TFB1M: variants seen among roughly 807,000 people sequenced by gnomAD.
TFB1M encodes transcription factor B1, mitochondrial.
TFB1M carries 27 observed loss-of-function variants against 31.1 expected under a neutral mutation model. That is an observed-to-expected ratio of 0.87 (90% CI 0.64 to 1.20). The LOEUF (loss-of-function observed/expected upper bound fraction) is 1.20. TFB1M is among the 50% of genes most tolerant of loss of function. TFB1M has a pLI of 0.00. For missense variants in TFB1M, 394 were observed against 418.7 expected (o/e 0.94, Z 0.51); for synonymous variants, 166 against 151.8 (o/e 1.09, Z -0.69).
At chr6:155,230,775 ATATT>A in the TFB1M span, among the ~76,000 whole-genome samples, 1 of 98,212 alleles carries the variant, frequency 1.0e-5, no homozygotes, top group Non-Finnish European at 2.0e-5. Context: ...CTATGCATAC[ATATT>A]TATATAAGTA....
chr6:155,300,198 C>A (rs548938258), intron 2 of TFB1M, among the ~76,000 whole-genome samples: 1 of 152,110 alleles, frequency 6.6e-6, no homozygotes, highest in South Asian at 2.1e-4. Context: ...AAATAATCTT[C>A]CAGAAATAAA....
chr6:155,272,567 C>A (rs1424401452), intron 5 of TFB1M, among the ~76,000 whole-genome samples: 2 of 151,772 alleles, frequency 1.3e-5, no homozygotes, highest in African/African-American at 4.8e-5. Flanking sequence ...TTATTCTCTA[C>A]GAGATAGAAA....
chr6:155,298,663 T>A (rs1583369478), intron 2 of TFB1M, 78 bp from the exon 3 acceptor site: 2 of 991,734 alleles, frequency 2.0e-6, no homozygotes, highest in East Asian at 4.8e-5. Flanking sequence ...AACCTGTGCA[T>A]TTAAAAAATC....
At chr6:155,244,864 A>C in the TFB1M span, 1 of 1,458,032 alleles carries the variant, frequency 6.9e-7, no homozygotes, top group East Asian at 2.4e-5. Context: ...TCTCATGAGA[A>C]AGAATTTCTT....
rs149655729 is a variant in TFB1M, at chr6:155,274,158, C to T, written c.666+11000G>A. On this transcript the variant is annotated intron_variant, in intron 5 of 6. Coordinates refer to ENST00000367166, the MANE Select transcript of TFB1M (RefSeq NM_016020.4). Reference sequence around the variant, plus strand: ...GGCCCAAGTGTCTTTGACTCAAGAGCCTGTATCACCTTTTGTAAAATACAT... The same window carrying T: ...GGCCCAAGTGTCTTTGACTCAAGAGTCTGTATCACCTTTTGTAAAATACAT... Among the ~76,000 whole-genome samples, 1,182 of 152,306 alleles carry T rather than the reference C, an allele frequency of 7.8e-3. 7 individuals are homozygous for T. Among genetic ancestry groups the T allele is most frequent in the Middle Eastern group, 0.017 (5 of 294 alleles).
Position 155,257,633 on chromosome 6 carries a change from AG to A in TFB1M, c.*202del. On this transcript the variant is annotated 3_prime_UTR_variant, in exon 7 of 7. Coordinates refer to ENST00000367166, the MANE Select transcript of TFB1M (RefSeq NM_016020.4). Reference sequence around the variant, plus strand: ...CTAAACATGTCATAACTATCTATACAGTATATATTAAAAGAAAGCTTGTACT... The same window carrying A: ...CTAAACATGTCATAACTATCTATACATATATATTAAAAGAAAGCTTGTACT... 1 of 595,032 alleles carries A rather than the reference AG, an allele frequency of 1.7e-6. No homozygotes were observed. The highest frequency in any genetic ancestry group is 2.9e-6 in the Non-Finnish European group (1 of 341,294). The allele number at this position is 595,032 out of a possible 1,614,324, so 36.9% of individuals were successfully genotyped here. A position where few individuals can be genotyped will look rare whatever the true frequency, so the allele number is the denominator to read the frequency against.
At chr6:155,259,621 T>C (rs1784298470) in intron 6 of TFB1M, among the ~76,000 whole-genome samples, 2 of 149,788 alleles carry the variant, frequency 1.3e-5, no homozygotes, top group African/African-American at 5.1e-5. Flanking sequence ...TATGGATAGA[T>C]TATCGTAGAT....
At chr6:155,230,902 T>G in the TFB1M span, among the ~76,000 whole-genome samples, 83 of 151,996 alleles carry the variant, frequency 5.5e-4, no homozygotes, top group East Asian at 0.015. Context: ...GGAACGATCT[T>G]GGCTCACTGC....
chr6:155,305,160 T>C (rs1307695765), intron 2 of TFB1M, among the ~76,000 whole-genome samples: 1 of 102,740 alleles, frequency 9.7e-6, no homozygotes, highest in Non-Finnish European at 1.8e-5. Context: ...AAATATATAT[T>C]AAATTATATA....
chr6:155,240,013 G>A, the TFB1M span, among the ~76,000 whole-genome samples: 2 of 152,236 alleles, frequency 1.3e-5, no homozygotes, highest in African/African-American at 4.8e-5. Flanking sequence ...GGTTAGACTG[G>A]AGGGCAGAAC....
the TFB1M span, among the ~76,000 whole-genome samples, chr6:155,250,303 T>C: frequency 5.3e-4 from 80 of 151,480 alleles, no homozygotes; most frequent in Non-Finnish European, 1.8e-4. Context: ...TTTTTTTTTT[T>C]TTTTTTTAAC....
At chr6:155,279,034 G>T (rs1056340983) in intron 5 of TFB1M, among the ~76,000 whole-genome samples, 1 of 151,988 alleles carries the variant, frequency 6.6e-6, no homozygotes, top group South Asian at 2.1e-4. Flanking sequence ...AAGAGGCCAG[G>T]GATGCCTTTA....
chr6:155,249,929 T>C, the TFB1M span: 3 of 1,614,014 alleles, frequency 1.9e-6, no homozygotes, highest in African/African-American at 4.0e-5. Flanking sequence ...GGGACCGTGT[T>C]TGACCAGCTA....
intron 3 of TFB1M, 31 bp from the exon 4 acceptor site, chr6:155,297,135 G>C (rs746343091): frequency 6.2e-7 from 1 of 1,605,294 alleles, no homozygotes; most frequent in East Asian, 2.2e-5. Context: ...AACCTGAAAT[G>C]ATTCCATCAA....
downstream of TFB1M, chr6:155,251,957 C>T (rs1320473046): frequency 1.2e-6 from 2 of 1,603,306 alleles, no homozygotes; most frequent in Non-Finnish European, 1.7e-6. Context: ...TTTAAGAGAG[C>T]CGTCATACTG....
downstream of TFB1M, chr6:155,254,075 C>CAAAG (rs1386501955): frequency 6.2e-7 from 1 of 1,608,932 alleles, no homozygotes. Context: ...GACTGACTTC[C>CAAAG]AAAGATTAAA....
At chr6:155,309,700 T>C (rs1408683141) in intron 2 of TFB1M, among the ~76,000 whole-genome samples, 3 of 152,176 alleles carry the variant, frequency 2.0e-5, no homozygotes, top group Non-Finnish European at 1.5e-5. Context: ...GTATTCCCTA[T>C]GTCCAAAAAG....
chr6:155,234,541 C>T, the TFB1M span, among the ~76,000 whole-genome samples: 1 of 152,160 alleles, frequency 6.6e-6, no homozygotes, highest in African/African-American at 2.4e-5. Flanking sequence ...TAGCTGGGAC[C>T]ATAGGCGTGT....
the TFB1M span, among the ~76,000 whole-genome samples, chr6:155,240,310 C>T: frequency 6.6e-6 from 1 of 152,228 alleles, no homozygotes; most frequent in African/African-American, 2.4e-5. Flanking sequence ...TGGAGAGCCT[C>T]GTGTGTAAAC....
Sources: allele counts gnomAD v4.1 joint callset (sites outside exome capture counted in the v4.1 genomes callset), GRCh38; gene constraint gnomAD v4.1.1; transcripts MANE v1.5; gene names NCBI Gene and HGNC (gene_info 2026-07-23, HGNC 2026-07-21).